PXDNL: variants seen among roughly 807,000 people sequenced by gnomAD.
PXDNL encodes peroxidasin like, also known as probable oxidoreductase PXDNL.
Under a neutral mutation model 150.8 loss-of-function variants are expected in PXDNL, and 145 were observed. The ratio of observed to expected loss-of-function variants is 0.96; its 90% CI spans 0.84 to 1.10. The LOEUF (loss-of-function observed/expected upper bound fraction) is 1.10, where lower values mean the gene tolerates loss of function less well. PXDNL is among the 50% of genes least tolerant of loss of function. The probability of loss-of-function intolerance (pLI) is 0.00; values close to 1 mark genes in which losing one functional copy is unlikely to be tolerated. For missense variants in PXDNL, 2,087 were observed against 1,873.9 expected (o/e 1.11, Z -2.10); for synonymous variants, 757 against 725.7 (o/e 1.04, Z -0.69).
intron 1 of PXDNL, among the ~76,000 whole-genome samples, chr8:51,741,877 A>G (rs1383458036): frequency 6.6e-6 from 1 of 152,224 alleles, no homozygotes; most frequent in African/African-American, 2.4e-5. Context: ...CCCAGCAATT[A>G]CTCTATTTGG....
At chr8:51,805,844 G>T (rs1314369501) in intron 1 of PXDNL, among the ~76,000 whole-genome samples, 1 of 152,126 alleles carries the variant, frequency 6.6e-6, no homozygotes, top group East Asian at 1.9e-4. Context: ...AAGGAAATTA[G>T]GAAAGTACAA....
At position 51,423,928 on chromosome 8, in the gene PXDNL, C is replaced by A. The variant is rs368267083; in HGVS notation, c.1639-197G>T. ...GAGGTTTCTAGGAAGTGTGGTTTTTCTCTCTCTCTAATTATTAAATATGAT... is the reference window on the plus strand; with the variant it reads ...GAGGTTTCTAGGAAGTGTGGTTTTTATCTCTCTCTAATTATTAAATATGAT... On this transcript the variant is annotated intron_variant, in intron 13 of 22. Coordinates refer to ENST00000356297, the MANE Select transcript of PXDNL (RefSeq NM_144651.5). 1.5e-4 allele frequency among the ~76,000 whole-genome samples: 22 copies of A among 151,528 alleles called. 1 individual carries two copies. The highest frequency in any genetic ancestry group is 5.1e-4 in the African/African-American group (21 of 40,936).
intron 1 of PXDNL, among the ~76,000 whole-genome samples, chr8:51,792,871 T>C (rs1354760355): frequency 6.6e-6 from 1 of 152,132 alleles, no homozygotes; most frequent in African/African-American, 2.4e-5. Context: ...GCAGCCGTGG[T>C]CTCCATGAAT....
chr8:51,663,280 G>T (rs111539776), intron 1 of PXDNL, among the ~76,000 whole-genome samples: 12,225 of 152,136 alleles, frequency 0.08, 1,649 homozygotes, highest in African/African-American at 0.28. Flanking sequence ...GGACCAGCAG[G>T]CCCACCATTG....
At chr8:51,740,461 G>A (rs187925126) in intron 1 of PXDNL, among the ~76,000 whole-genome samples, 2 of 152,312 alleles carry the variant, frequency 1.3e-5, no homozygotes, top group East Asian at 3.9e-4. Flanking sequence ...GTGTAAAAGA[G>A]TTCCTATTCC....
intron 4 of PXDNL, among the ~76,000 whole-genome samples, chr8:51,512,105 T>C (rs1811435134): frequency 6.6e-6 from 1 of 152,014 alleles, no homozygotes; most frequent in Non-Finnish European, 1.5e-5. Context: ...AAAACTCAAG[T>C]GGGCAGGTGT....
At chr8:51,733,474 A>G (rs1816971000) in intron 1 of PXDNL, among the ~76,000 whole-genome samples, 1 of 152,144 alleles carries the variant, frequency 6.6e-6, no homozygotes, top group South Asian at 2.1e-4. Flanking sequence ...AGGAGGAAAC[A>G]TGAAGGAGGG....
intron 2 of PXDNL, among the ~76,000 whole-genome samples, chr8:51,632,299 A>C (rs979006019): frequency 6.6e-6 from 1 of 152,196 alleles, no homozygotes; most frequent in Admixed American, 6.5e-5. Flanking sequence ...CTAACAGGCT[A>C]TATTATTTAC....
intron 2 of PXDNL, among the ~76,000 whole-genome samples, chr8:51,629,278 A>G (rs572019498): frequency 1.2e-4 from 18 of 152,336 alleles, no homozygotes; most frequent in Admixed American, 3.3e-4. Flanking sequence ...GCCAAATGAA[A>G]GACTCACTAG....
At position 51,638,000 on chromosome 8, in the gene PXDNL, C is replaced by A. The variant is rs572905136; in HGVS notation, c.236+16689G>T. On this transcript the variant is annotated intron_variant, in intron 2 of 22. Transcript: ENST00000356297. The stretch of plus-strand genomic sequence containing the variant: ...GAAGCCCATCAGACTAACGGCAGAT[C>A]TGTCAGCAGAAACTCTACAAGCCAG... 2.6e-5 allele frequency among the ~76,000 whole-genome samples: 4 copies of A among 152,332 alleles called. No homozygotes were observed. The South Asian group carries it at 8.3e-4, about 32-fold the overall frequency.
At chr8:51,757,855 T>C (rs2037118821) in intron 1 of PXDNL, among the ~76,000 whole-genome samples, 1 of 152,214 alleles carries the variant, frequency 6.6e-6, no homozygotes, top group Admixed American at 6.5e-5. Context: ...AGCTCTATTT[T>C]TGTCTTCTAT....
At chr8:51,398,370 A>C (rs1313877452) in intron 17 of PXDNL, among the ~76,000 whole-genome samples, 3 of 152,194 alleles carry the variant, frequency 2.0e-5, no homozygotes, top group African/African-American at 7.2e-5. Context: ...GGCCCCCCAC[A>C]GTCCTGGGGA....
chr8:51,402,020 C>A (rs2130865218), intron 17 of PXDNL, among the ~76,000 whole-genome samples: 2 of 152,188 alleles, frequency 1.3e-5, no homozygotes, highest in East Asian at 3.9e-4. Flanking sequence ...AAAGGGGCAA[C>A]CTTTTCGGGC....
At chr8:51,781,889 G>A (rs532027098) in intron 1 of PXDNL, among the ~76,000 whole-genome samples, 19 of 152,242 alleles carry the variant, frequency 1.2e-4, no homozygotes, top group Non-Finnish European at 2.4e-4. Flanking sequence ...CACTCTCACC[G>A]CCAGCTTTGG....
intron 1 of PXDNL, among the ~76,000 whole-genome samples, chr8:51,788,213 T>C (rs1157344361): frequency 6.6e-6 from 1 of 152,244 alleles, no homozygotes; most frequent in Admixed American, 6.5e-5. Flanking sequence ...TGCAATATCT[T>C]TGTAATGACT....
chr8:51,406,083 C>A (rs772040576), intron 17 of PXDNL, among the ~76,000 whole-genome samples: 2 of 152,178 alleles, frequency 1.3e-5, no homozygotes, highest in African/African-American at 4.8e-5. Context: ...ACAGTGGAGG[C>A]TAACACAGCT....
chr8:51,671,974 G>A (rs1284953133), intron 1 of PXDNL, among the ~76,000 whole-genome samples: 1 of 152,076 alleles, frequency 6.6e-6, no homozygotes, highest in African/African-American at 2.4e-5. Context: ...ATTAACTATT[G>A]CAAGTCAAAA....
chr8:51,445,373 G>A (rs764176708), intron 12 of PXDNL, among the ~76,000 whole-genome samples: 16 of 152,090 alleles, frequency 1.1e-4, no homozygotes, highest in Non-Finnish European at 1.8e-4. Flanking sequence ...ACAAAATCTG[G>A]TGCCACACTT....
intron 5 of PXDNL, among the ~76,000 whole-genome samples, chr8:51,491,704 G>T (rs1202296852): frequency 6.6e-6 from 1 of 152,130 alleles, no homozygotes; most frequent in African/African-American, 2.4e-5. Flanking sequence ...TGAGGACTTT[G>T]AATCTTGGTG....
Sources: gnomAD v4.1 joint callset for allele counts (sites outside exome capture counted in the v4.1 genomes callset) on GRCh38, gnomAD v4.1.1 for gene constraint, MANE v1.5 for transcripts, NCBI Gene and HGNC (gene_info 2026-07-23, HGNC 2026-07-21) for gene names.